NBL1: variants seen among roughly 807,000 people sequenced by gnomAD.
The protein encoded by NBL1 is neuroblastoma suppressor of tumorigenicity 1.
NBL1 carries 9 observed loss-of-function variants against 16.0 expected under a neutral mutation model. The ratio of observed to expected loss-of-function variants is 0.56; its 90% CI spans 0.34 to 0.98. NBL1 has a LOEUF of 0.98. NBL1 is among the 50% of genes least tolerant of loss of function. The pLI is 0.02. For missense variants in NBL1, 196 were observed against 243.1 expected (o/e 0.81, Z 1.29); for synonymous variants, 86 against 100.7 (o/e 0.85, Z 0.87).
upstream of NBL1, chr1:19,644,103 C>T (rs1234815670): frequency 5.1e-6 from 5 of 973,434 alleles, no homozygotes; most frequent in South Asian, 9.5e-5. The surrounding 1 kb of genome is among the most constrained non-coding windows in gnomAD (Gnocchi z 4.6). Context: ...CGCGCCGAAG[C>T]TCAGCCCGGG....
At position 19,657,369 on chromosome 1, in the gene NBL1, T is replaced by TGGG. The variant is rs1338686259; in HGVS notation, c.*240_*241insGGG. The TGGG allele has an allele frequency of 3.0e-5, 2 of 66,532 alleles. No individual in the cohort carries two copies. Among genetic ancestry groups the TGGG allele is most frequent in the African/African-American group, 2.2e-4 (2 of 8,944 alleles). 4.1% of individuals were successfully genotyped at this position (66,532 alleles called of 1,614,324 possible). A position where few individuals can be genotyped will look rare whatever the true frequency, so the allele number is the denominator to read the frequency against. On this transcript the variant is annotated 3_prime_UTR_variant, in exon 4 of 4. Coordinates refer to ENST00000375136, the MANE Select transcript of NBL1 (RefSeq NM_005380.8). ...AGCAGAGGTCTTCAGGGCTCTTTTT[T>TGGG]TGGGGGGGGTGGTCTCTTCCTGTCT...
intron 1 of NBL1, among the ~76,000 whole-genome samples, chr1:19,651,098 G>T (rs1169403431): frequency 6.6e-6 from 1 of 152,236 alleles, no homozygotes; most frequent in Non-Finnish European, 1.5e-5. Flanking sequence ...TCCAGGGAAG[G>T]TGCAATGCTT....
chr1:19,655,546 GC>G, intron 3 of NBL1, 111 bp downstream of exon 3: 1 of 1,233,676 alleles, frequency 8.1e-7, no homozygotes, highest in Non-Finnish European at 1.1e-6. Flanking sequence ...CCTTAGAAAG[GC>G]CCCACTGTGT....
chr1:19,646,756 T>TA (rs1357726862), intron 1 of NBL1, among the ~76,000 whole-genome samples: 1 of 152,222 alleles, frequency 6.6e-6, no homozygotes, highest in Non-Finnish European at 1.5e-5. Flanking sequence ...GACCCTGTCT[T>TA]AGAGTCTGAG....
At chr1:19,648,841 C>T (rs528719789) in intron 1 of NBL1, among the ~76,000 whole-genome samples, 1 of 152,272 alleles carries the variant, frequency 6.6e-6, no homozygotes, top group South Asian at 2.1e-4. Flanking sequence ...CTCACGGCGC[C>T]CCCATGAGGG....
chr1:19,656,757 AG>A, intron 3 of NBL1, 108 bp from the exon 4 acceptor site: 1 of 1,443,108 alleles, frequency 6.9e-7, no homozygotes, highest in Non-Finnish European at 9.2e-7. Flanking sequence ...TGGGCATCAC[AG>A]GTGGGCTCTG....
In NBL1 at chr1:19,657,372, G is replaced by C. The variant is rs41264093; in HGVS notation, c.*243G>C. The C allele has an allele frequency of 4.3e-3, 1,125 of 262,876 alleles. 22 individuals carry two copies. The highest frequency in any genetic ancestry group is 6.1e-3 in the Non-Finnish European group (847 of 139,530). The allele number at this position is 262,876 out of a possible 1,614,324, so 16.3% of individuals were successfully genotyped here. On this transcript the variant is annotated 3_prime_UTR_variant, in exon 4 of 4. Coordinates refer to ENST00000375136, the MANE Select transcript of NBL1 (RefSeq NM_005380.8). ...AGAGGTCTTCAGGGCTCTTTTTTTG[G>C]GGGGGGTGGTCTCTTCCTGTCTGGC...
At chr1:19,653,394 G>C (rs1378796817) in intron 1 of NBL1, among the ~76,000 whole-genome samples, 1 of 152,184 alleles carries the variant, frequency 6.6e-6, no homozygotes, top group Non-Finnish European at 1.5e-5. Context: ...CTGGTGCTGG[G>C]CTTCTGTGGG....
intron 1 of NBL1, among the ~76,000 whole-genome samples, chr1:19,648,324 C>CTTTCCTGGGGG (rs2094997366): frequency 6.6e-6 from 1 of 152,158 alleles, no homozygotes; most frequent in Non-Finnish European, 1.5e-5. Flanking sequence ...ATCGAAGCCC[C>CTTTCCTGGGGG]TTTCCTGGGG....
At chr1:19,654,017 T>A (rs1017644358) in intron 1 of NBL1, among the ~76,000 whole-genome samples, 20 of 152,020 alleles carry the variant, frequency 1.3e-4, no homozygotes, top group African/African-American at 4.8e-4. Flanking sequence ...TGTAGAGCCC[T>A]TGTGGATTCG....
rs41264095 is a variant in NBL1 at position 19,657,373 on chromosome 1, G to C, written c.*244G>C. The stretch of plus-strand genomic sequence containing the variant: ...GAGGTCTTCAGGGCTCTTTTTTTGG[G>C]GGGGGTGGTCTCTTCCTGTCTGGCT... On this transcript the variant is annotated 3_prime_UTR_variant, in exon 4 of 4. Coordinates refer to ENST00000375136, the MANE Select transcript of NBL1 (RefSeq NM_005380.8). 2 of 265,476 alleles carry C rather than the reference G, an allele frequency of 7.5e-6. No homozygotes were observed. Among genetic ancestry groups the C allele is most frequent in the Non-Finnish European group, 1.4e-5 (2 of 141,104 alleles). The allele number at this position is 265,476 out of a possible 1,614,324, so 16.4% of individuals were successfully genotyped here.
At chr1:19,645,376 A>C in intron 1 of NBL1, 1 of 986,390 alleles carries the variant, frequency 1.0e-6, no homozygotes, top group Non-Finnish European at 1.2e-6. Context: ...CTGATCGTTT[A>C]CAAGCGGCGG....
intron 1 of NBL1, chr1:19,647,698 G>T: frequency 1.0e-6 from 1 of 984,736 alleles, no homozygotes; most frequent in Non-Finnish European, 1.2e-6. Context: ...CATCAGCTGG[G>T]GCCAAGTGTG....
At chr1:19,647,882 T>TGTGTGTGTGTGTGCGC (rs1273943458) in intron 1 of NBL1, among the ~76,000 whole-genome samples, 1 of 137,082 alleles carries the variant, frequency 7.3e-6, no homozygotes, top group African/African-American at 2.9e-5. Context: ...TGTGTGTGTG[T>TGTGTGTGTGTGTGCGC]GCGTGTGCGC....
chr1:19,645,267 G>A, intron 1 of NBL1: 2 of 713,362 alleles, frequency 2.8e-6, no homozygotes, highest in Non-Finnish European at 3.4e-6. Flanking sequence ...GCCTTTCCGG[G>A]GGCTCAGTTT....
Position 19,644,397 on chromosome 1 carries a change from C to A in NBL1, c.-69C>A. On this transcript the variant is annotated 5_prime_UTR_variant, in exon 1 of 4. Transcript: ENST00000375136. The surrounding 1 kb of genome is among the most constrained non-coding windows in gnomAD (Gnocchi z 4.6). Reference sequence around the variant, plus strand: ...GCCTCGCCGAGCCTCCTGGGGCGCCCGGGCCCGCGACCCCCGCACCCAGCT... The same window carrying A: ...GCCTCGCCGAGCCTCCTGGGGCGCCAGGGCCCGCGACCCCCGCACCCAGCT... 1.0e-6 allele frequency: 1 copy of A among 978,824 alleles called. No individual in the cohort carries two copies. Among genetic ancestry groups the A allele is most frequent in the Non-Finnish European group, 1.2e-6 (1 of 827,292 alleles). The allele number at this position is 978,824 out of a possible 1,614,324, so 60.6% of individuals were successfully genotyped here.
chr1:19,649,924 G>A (rs2095012949), intron 1 of NBL1, among the ~76,000 whole-genome samples: 1 of 151,920 alleles, frequency 6.6e-6, no homozygotes, highest in African/African-American at 2.4e-5. Flanking sequence ...GCCTCCCAAA[G>A]TGCTGGGATT....
chr1:19,646,368 A>G (rs1034239728), intron 1 of NBL1, among the ~76,000 whole-genome samples: 38 of 152,292 alleles, frequency 2.5e-4, no homozygotes, highest in African/African-American at 9.1e-4. Flanking sequence ...AGCTATAACC[A>G]TTAGACTCTC....
intron 1 of NBL1, chr1:19,645,809 C>T: frequency 6.9e-7 from 1 of 1,455,300 alleles, no homozygotes; most frequent in South Asian, 1.4e-5. Flanking sequence ...TCTGCATCGG[C>T]CAGGGATATC....
Sources: gnomAD v4.1 joint callset for allele counts (sites outside exome capture counted in the v4.1 genomes callset) on GRCh38, gnomAD v4.1.1 for gene constraint, Gnocchi (gnomAD v3.1) non-coding constraint, MANE v1.5 for transcripts, NCBI Gene and HGNC (gene_info 2026-07-23, HGNC 2026-07-21) for gene names.